EPHA4: variants seen among roughly 807,000 people sequenced by gnomAD.
EPHA4 encodes the protein EPH receptor A4.
In EPHA4, 19 loss-of-function variants were observed where a neutral mutation model predicts 108.3. The ratio of observed to expected loss-of-function variants is 0.18; its 90% CI spans 0.12 to 0.26. The LOEUF is 0.26. EPHA4 is among the 10% of genes least tolerant of loss of function. The probability of loss-of-function intolerance (pLI) is 1.00; values close to 1 mark genes in which losing one functional copy is unlikely to be tolerated. For missense variants in EPHA4, 917 were observed against 1,254.0 expected (o/e 0.73, Z 4.06); for synonymous variants, 449 against 455.5 (o/e 0.99, Z 0.18).
At chr2:221,433,070 C>T (rs1382035641) in intron 14 of EPHA4, among the ~76,000 whole-genome samples, 2 of 151,912 alleles carry the variant, frequency 1.3e-5, no homozygotes, top group Admixed American at 6.6e-5. Context: ...GTGATCCACC[C>T]GCCTCGGCCT....
rs780769305 is a variant in EPHA4, at chr2:221,430,043, G to A, written c.2605C>T (p.Pro869Ser). Residue 869 changes from proline to serine, a missense_variant, in exon 15 of 18, where the codon CCT becomes TCT. Physicochemically the swap from Pro to Ser is moderately conservative, Grantham distance 74. Transcript: ENST00000281821. Reference sequence around the variant, plus strand: ...ATGTTGACAATCTGCCCAAATTTAGGCCTGTCGCTCCTCTCCTTCTGCCAG... The same window carrying A: ...ATGTTGACAATCTGCCCAAATTTAGACCTGTCGCTCCTCTCCTTCTGCCAG... The part of the protein sequence containing the change: ...DCWQKERSDR[P>S]KFGQIVNMLD... The A allele has an allele frequency of 6.2e-7, 1 of 1,614,052 alleles. No homozygotes were observed.
At chr2:221,469,638 C>T (rs3770161) in intron 5 of EPHA4, among the ~76,000 whole-genome samples, 73,899 of 151,928 alleles carry the variant, frequency 0.49, 18,807 homozygotes, top group Non-Finnish European at 0.56. Flanking sequence ...CACTGTCTTC[C>T]AAGTTGAAAG....
intron 8 of EPHA4, among the ~76,000 whole-genome samples, chr2:221,453,935 G>T (rs183007993): frequency 7.2e-4 from 110 of 152,170 alleles, no homozygotes; most frequent in African/African-American, 2.6e-3. Flanking sequence ...CCAGCACTTT[G>T]GGAGGCCGAG....
chr2:221,442,741 G>A lies in EPHA4; in HGVS notation c.2074+88C>T, dbSNP rs79475330. 4.5e-4 allele frequency: 622 copies of A among 1,376,820 alleles called. 3 individuals are homozygous for A. In the African/African-American group the frequency reaches 7.7e-3, roughly 17 times the overall value. 85.3% of individuals were successfully genotyped at this position (1,376,820 alleles called of 1,614,324 possible). On this transcript the variant is annotated intron_variant, in intron 11 of 17. Transcript: ENST00000281821. ...TCCTATTAGCAATCAGTGGGTCTGC[G>A]CCATCTGTCATTTCCCTGGAAAGAA...
At chr2:221,482,213 TA>T in intron 5 of EPHA4, 138 bp downstream of exon 5, 2 of 922,014 alleles carry the variant, frequency 2.2e-6, no homozygotes, top group Non-Finnish European at 3.1e-6. Flanking sequence ...GCCCAGCCCC[TA>T]AGTATCTTTT....
At chr2:221,522,221 C>T (rs1693184899) in intron 3 of EPHA4, among the ~76,000 whole-genome samples, 1 of 152,132 alleles carries the variant, frequency 6.6e-6, no homozygotes. Flanking sequence ...CTACATTCAT[C>T]GTTGAAGAAC....
chr2:221,549,750 G>T (rs1265367676), intron 3 of EPHA4, among the ~76,000 whole-genome samples: 1 of 152,242 alleles, frequency 6.6e-6, no homozygotes, highest in Non-Finnish European at 1.5e-5. Context: ...ACTTTGGGGG[G>T]CCCAGGCAGG....
chr2:221,527,588 G>A (rs560579870), intron 3 of EPHA4, among the ~76,000 whole-genome samples: 20 of 152,140 alleles, frequency 1.3e-4, no homozygotes, highest in Non-Finnish European at 2.5e-4. Context: ...GAGGTCCACC[G>A]GGGTCTGCCC....
At chr2:221,538,477 A>C (rs1467532113) in intron 3 of EPHA4, among the ~76,000 whole-genome samples, 1 of 152,214 alleles carries the variant, frequency 6.6e-6, no homozygotes, top group Non-Finnish European at 1.5e-5. Flanking sequence ...TTACTATTAT[A>C]GTCAGTTGGA....
At chr2:221,423,475 T>C (rs1689812422) in intron 17 of EPHA4, among the ~76,000 whole-genome samples, 1 of 152,210 alleles carries the variant, frequency 6.6e-6, no homozygotes, top group Non-Finnish European at 1.5e-5. Context: ...GAAAGTCCTT[T>C]TTTGGCCTTT....
intron 4 of EPHA4, 106 bp downstream of exon 4, chr2:221,500,911 A>C: frequency 8.3e-7 from 1 of 1,209,270 alleles, no homozygotes; most frequent in Non-Finnish European, 1.1e-6. Flanking sequence ...GTTTGATCTC[A>C]AGTGCCCCCT....
intron 5 of EPHA4, among the ~76,000 whole-genome samples, chr2:221,479,511 C>T (rs1691756173): frequency 6.6e-6 from 1 of 152,164 alleles, no homozygotes; most frequent in South Asian, 2.1e-4. Flanking sequence ...TAGAGTGAGA[C>T]ACCATTGCCT....
rs762381958 is a variant in EPHA4, at chr2:221,572,166, G to C, written c.83C>G (p.Ala28Gly). ...DAVTGSRVYP[A>G]NEVTLLDSRS... ...GGCCGTCCCGCTCTTACCTTCATTC[G>C]CGGGGTATACCCTGGAACCTGTGAC... The change falls in exon 1 of 18, where the codon GCG becomes GGG. Residue 28 changes from alanine to glycine, a missense_variant. Coordinates refer to ENST00000281821, the MANE Select transcript of EPHA4 (RefSeq NM_004438.5). The C allele has an allele frequency of 1.9e-6, 3 of 1,613,718 alleles. No homozygotes were observed. The highest frequency in any genetic ancestry group is 2.2e-5 in the South Asian group (2 of 91,076).
At chr2:221,464,141 C>T (rs868430015) in intron 5 of EPHA4, among the ~76,000 whole-genome samples, 5 of 152,188 alleles carry the variant, frequency 3.3e-5, no homozygotes, top group Non-Finnish European at 1.5e-5. Flanking sequence ...TTCTTAACCA[C>T]AGCAGGGTTA....
chr2:221,443,301 TTCTC>T (rs780201612), intron 10 of EPHA4, among the ~76,000 whole-genome samples, 188 bp downstream of exon 10: 6 of 152,162 alleles, frequency 3.9e-5, no homozygotes, highest in African/African-American at 9.7e-5. Flanking sequence ...TGCATTAAGT[TTCTC>T]TCTAAGAATA....
chr2:221,518,325 C>T (rs1693051004), intron 3 of EPHA4, among the ~76,000 whole-genome samples: 1 of 152,152 alleles, frequency 6.6e-6, no homozygotes, highest in Non-Finnish European at 1.5e-5. Context: ...TAGGAAATCT[C>T]TCTTCCCTAG....
chr2:221,548,398 C>T (rs993743767), intron 3 of EPHA4, among the ~76,000 whole-genome samples: 8 of 152,000 alleles, frequency 5.3e-5, no homozygotes, highest in Admixed American at 5.2e-4. Flanking sequence ...TTGTCCTTCT[C>T]TCTCTCACTC....
At chr2:221,445,088 G>A (rs1178379697) in intron 9 of EPHA4, among the ~76,000 whole-genome samples, 1 of 152,010 alleles carries the variant, frequency 6.6e-6, no homozygotes, top group Admixed American at 6.6e-5. Context: ...GCACTAATAT[G>A]TGAGTGACTT....
intron 9 of EPHA4, among the ~76,000 whole-genome samples, chr2:221,445,656 C>A (rs1690572765): frequency 6.6e-6 from 1 of 150,606 alleles, no homozygotes; most frequent in African/African-American, 2.4e-5. Flanking sequence ...TTAATGTCTT[C>A]TTTGACCTCT....
Sources: allele counts gnomAD v4.1 joint callset (sites outside exome capture counted in the v4.1 genomes callset), GRCh38; gene constraint gnomAD v4.1.1; transcripts MANE v1.5; gene names NCBI Gene and HGNC (gene_info 2026-07-23, HGNC 2026-07-21).